SH3KBP1: variants seen among roughly 807,000 people sequenced by gnomAD.
SH3KBP1 encodes SH3 domain-containing kinase-binding protein 1.
In SH3KBP1, 8 loss-of-function variants were observed where a neutral mutation model predicts 50.1. That is an observed-to-expected ratio of 0.16 (90% CI 0.09 to 0.29). The LOEUF (loss-of-function observed/expected upper bound fraction) is 0.29. Ranked by LOEUF, SH3KBP1 falls within the 10% of genes least tolerant of loss-of-function variation. The pLI, the probability that SH3KBP1 is intolerant of heterozygous loss-of-function variation, is 1.00. For synonymous variants in SH3KBP1, 227 were observed against 218.6 expected, an observed-to-expected ratio of 1.04 and a Z score of -0.34; for missense variants, 377 against 535.2, an observed-to-expected ratio of 0.70 and a Z score of 2.92.
At chrX:19,867,339 A>T (rs146819875) in intron 1 of SH3KBP1, among the ~76,000 whole-genome samples, 1,289 of 111,454 alleles carry the variant, frequency 0.012, 20 homozygotes, top group African/African-American at 0.04. Flanking sequence ...GGAAGAGGGA[A>T]TTATGTCTGG....
intron 11 of SH3KBP1, among the ~76,000 whole-genome samples, chrX:19,589,043 G>A (rs1021159971): frequency 9.0e-6 from 1 of 111,560 alleles, no homozygotes; most frequent in Non-Finnish European, 1.9e-5. Context: ...CGCCCTTCTG[G>A]CCACCGCCCA....
At chrX:19,675,268 T>C (rs1306778115) in intron 6 of SH3KBP1, among the ~76,000 whole-genome samples, 2 of 110,672 alleles carry the variant, frequency 1.8e-5, no homozygotes, top group African/African-American at 6.6e-5. Flanking sequence ...ACAACAACCC[T>C]CTGGGGTAGA....
At chrX:19,640,767 C>T (rs901047266) in intron 7 of SH3KBP1, among the ~76,000 whole-genome samples, 1 of 111,585 alleles carries the variant, frequency 9.0e-6, no homozygotes, top group Non-Finnish European at 1.9e-5. Context: ...TCCTTTTCTG[C>T]GGGGCAGATG....
rs1216327847 is a variant in SH3KBP1, at chrX:19,643,307, A to AT, written c.802+2092dup. On this transcript the variant is annotated intron_variant, in intron 7 of 17. Coordinates refer to ENST00000397821, the MANE Select transcript of SH3KBP1 (RefSeq NM_031892.3). Reference sequence around the variant, plus strand: ...GTGGGCTGAAACTGAAGAATTTTTTATTTTTTTTTTTTTTATTTTTTTTTT... The same window carrying AT: ...GTGGGCTGAAACTGAAGAATTTTTTATTTTTTTTTTTTTTTATTTTTTTTTT... Among the ~76,000 whole-genome samples the AT allele has an allele frequency of 1.6e-3, 117 of 74,526 alleles. 4 individuals carry two copies. The highest frequency in any genetic ancestry group is 6.9e-3 in the East Asian group (19 of 2,736). 64.7% of individuals were successfully genotyped at this position (74,526 alleles called of 115,157 possible).
intron 2 of SH3KBP1, among the ~76,000 whole-genome samples, chrX:19,778,987 G>A (rs752383544): frequency 9.2e-5 from 10 of 108,912 alleles, no homozygotes; most frequent in Non-Finnish European, 1.5e-4. Flanking sequence ...GTTCAACAAT[G>A]AAACCAATGC....
intron 3 of SH3KBP1, among the ~76,000 whole-genome samples, chrX:19,743,899 C>T (rs1490065714): frequency 8.9e-6 from 1 of 112,760 alleles, no homozygotes; most frequent in Admixed American, 9.4e-5. Flanking sequence ...AGAAAACAGT[C>T]ATCTCATCTT....
At chrX:19,540,272 T>G (rs2064844721) in intron 16 of SH3KBP1, among the ~76,000 whole-genome samples, 1 of 111,115 alleles carries the variant, frequency 9.0e-6, no homozygotes. Context: ...TATATTAATC[T>G]GATGGATCTC....
At position 19,786,797 on chromosome X, in the gene SH3KBP1, C is replaced by T. The variant is rs180866506; in HGVS notation, c.163-40356G>A. On this transcript the variant is annotated intron_variant, in intron 2 of 17. Transcript: ENST00000397821. ...GCATATCATACCCACTGTCCTGCACCTTGCTTTTCTCACTGAACAATAATA... is the reference window on the plus strand; with the variant it reads ...GCATATCATACCCACTGTCCTGCACTTTGCTTTTCTCACTGAACAATAATA... 6.0e-4 allele frequency among the ~76,000 whole-genome samples: 67 copies of T among 111,877 alleles called. 1 individual carries two copies. Among genetic ancestry groups the T allele is most frequent in the African/African-American group, 2.1e-3 (65 of 30,853 alleles).
chrX:19,831,344 A>G lies in SH3KBP1; in HGVS notation c.162+4781T>C, dbSNP rs1468175918. Among the ~76,000 whole-genome samples the G allele has an allele frequency of 6.7e-5, 7 of 105,240 alleles. 1 individual carries two copies. The Admixed American group carries it at 7.1e-4, about 11-fold the overall frequency. 91.4% of individuals were successfully genotyped at this position (105,240 alleles called of 115,157 possible). A position where few individuals can be genotyped will look rare whatever the true frequency, so the allele number is the denominator to read the frequency against. On this transcript the variant is annotated intron_variant, in intron 2 of 17. Transcript: ENST00000397821. The stretch of plus-strand genomic sequence containing the variant: ...AGGTGGGAGGATCACTTGAGCCTAG[A>G]TCGACACTACAGTAAGCTGTGAACA...
At chrX:19,545,275 T>C (rs2065052316) in intron 15 of SH3KBP1, among the ~76,000 whole-genome samples, 2 of 112,300 alleles carry the variant, frequency 1.8e-5, no homozygotes, top group South Asian at 7.3e-4. Flanking sequence ...TTTAAAATCT[T>C]GGTTCGTATT....
At chrX:19,545,403 G>T (rs1451486186) in intron 15 of SH3KBP1, among the ~76,000 whole-genome samples, 2 of 112,137 alleles carry the variant, frequency 1.8e-5, no homozygotes, top group South Asian at 3.7e-4. Flanking sequence ...TCTGGGCATG[G>T]AATAAAATTA....
intron 13 of SH3KBP1, among the ~76,000 whole-genome samples, chrX:19,558,061 A>G (rs1055615617): frequency 8.9e-6 from 1 of 112,208 alleles, no homozygotes; most frequent in African/African-American, 3.2e-5. Flanking sequence ...TCCTTTAAAA[A>G]TTGCTCACTA....
chrX:19,627,853 C>T (rs2061492387), intron 8 of SH3KBP1, among the ~76,000 whole-genome samples: 1 of 112,319 alleles, frequency 8.9e-6, no homozygotes, highest in Non-Finnish European at 1.9e-5. Context: ...AATTCGGGGT[C>T]TATCAGGAAC....
intron 2 of SH3KBP1, among the ~76,000 whole-genome samples, chrX:19,790,605 A>G (rs1167915664): frequency 1.8e-5 from 2 of 111,755 alleles, no homozygotes; most frequent in East Asian, 5.6e-4. Flanking sequence ...TTAAAGCCCT[A>G]AATGCAGTAC....
chrX:19,880,830 C>G lies in SH3KBP1; in HGVS notation c.4+6477G>C, dbSNP rs369001960. 6.3e-5 allele frequency among the ~76,000 whole-genome samples: 7 copies of G among 111,402 alleles called. No individual in the cohort carries two copies. In the South Asian group the frequency reaches 1.5e-3, roughly 24 times the overall value. On this transcript the variant is annotated intron_variant, in intron 1 of 17. Transcript: ENST00000397821. Reference sequence around the variant, plus strand: ...GTGGCTCGGTGAAAGATAGGAGATGCCAGGACTGAAGCAGAGGTTGGAGGG... The same window carrying G: ...GTGGCTCGGTGAAAGATAGGAGATGGCAGGACTGAAGCAGAGGTTGGAGGG...
chrX:19,843,044 G>A (rs2068271002), intron 1 of SH3KBP1, among the ~76,000 whole-genome samples: 1 of 76,430 alleles, frequency 1.3e-5, no homozygotes, highest in African/African-American at 5.7e-5. Flanking sequence ...TTGAGACGGA[G>A]TCTTGCTCTT....
At chrX:19,554,097 TTATATATC>T (rs1451174802) in intron 13 of SH3KBP1, among the ~76,000 whole-genome samples, 6 of 58,820 alleles carry the variant, frequency 1.0e-4, no homozygotes, top group African/African-American at 5.0e-4. Context: ...AAATATAATA[TTATATATC>T]ATATTAAAAT....
At chrX:19,870,590 C>T (rs1253870557) in intron 1 of SH3KBP1, among the ~76,000 whole-genome samples, 1 of 112,029 alleles carries the variant, frequency 8.9e-6, no homozygotes, top group African/African-American at 3.2e-5. Context: ...ACGTGATCCG[C>T]TGACCTTGTC....
rs36059368 is a variant in SH3KBP1, at chrX:19,769,075, ATT to A, written c.163-22636_163-22635del. Among the ~76,000 whole-genome samples, 396 of 81,106 alleles carry A rather than the reference ATT, an allele frequency of 4.9e-3. 2 individuals carry two copies. Among genetic ancestry groups the A allele is most frequent in the African/African-American group, 0.012 (238 of 19,053 alleles). The allele number at this position is 81,106 out of a possible 115,157, so 70.4% of individuals were successfully genotyped here. A position where few individuals can be genotyped will look rare whatever the true frequency, so the allele number is the denominator to read the frequency against. The stretch of plus-strand genomic sequence containing the variant: ...AATATTATTATACAGCTGCGTTATA[ATT>A]TTTTTTTTTTTTTTTTTTTTGAGAC... On this transcript the variant is annotated intron_variant, in intron 2 of 17. Coordinates refer to ENST00000397821, the MANE Select transcript of SH3KBP1 (RefSeq NM_031892.3).
Sources: gnomAD v4.1 joint callset for allele counts (sites outside exome capture counted in the v4.1 genomes callset) on GRCh38, gnomAD v4.1.1 for gene constraint, MANE v1.5 for transcripts, NCBI Gene and HGNC (gene_info 2026-07-23, HGNC 2026-07-21) for gene names.